The following BLM variants were observed in gnomAD, a reference collection of about 807,000 sequenced individuals.
BLM encodes BLM RecQ like helicase, also known as recQ-like DNA helicase BLM.
In BLM, 95 loss-of-function variants were observed where a neutral mutation model predicts 135.3. The ratio of observed to expected loss-of-function variants is 0.70; its 90% CI spans 0.59 to 0.83. The LOEUF (loss-of-function observed/expected upper bound fraction) is 0.83, where lower values mean the gene tolerates loss of function less well. Ranked by LOEUF, BLM falls within the 40% of genes least tolerant of loss-of-function variation. The pLI, the probability that BLM is intolerant of heterozygous loss-of-function variation, is 0.00. For synonymous variants in BLM, 520 were observed against 589.2 expected, an observed-to-expected ratio of 0.88 and a Z score of 1.70; for missense variants, 1,518 against 1,663.9, an observed-to-expected ratio of 0.91 and a Z score of 1.53.
At chr15:90,718,097 C>A (rs1330621488) in intron 1 of BLM, among the ~76,000 whole-genome samples, 1 of 152,100 alleles carries the variant, frequency 6.6e-6, no homozygotes, top group Non-Finnish European at 1.5e-5. Context: ...TACTTCCTGG[C>A]GTTTTTGTTA....
At position 90,780,119 on chromosome 15, in the gene BLM, T is replaced by C. The variant is rs1319525840; in HGVS notation, c.2556-2703T>C. 6.1e-5 allele frequency among the ~76,000 whole-genome samples: 9 copies of C among 147,880 alleles called. No individual in the cohort carries two copies. In the Admixed American group the frequency reaches 6.1e-4, roughly 10 times the overall value. ...TTTTTCTTTTTAGACAGAGTCTCACTCTTCGCCCAGGCTGGAGTGCAGTGG... is the reference window on the plus strand; with the variant it reads ...TTTTTCTTTTTAGACAGAGTCTCACCCTTCGCCCAGGCTGGAGTGCAGTGG... On this transcript the variant is annotated intron_variant, in intron 12 of 21. Coordinates refer to ENST00000355112, the MANE Select transcript of BLM (RefSeq NM_000057.4).
chr15:90,773,739 C>T (rs760756420), intron 12 of BLM, among the ~76,000 whole-genome samples: 4 of 152,086 alleles, frequency 2.6e-5, no homozygotes, highest in Non-Finnish European at 4.4e-5. Context: ...AACATGTGGC[C>T]TTTTGTGACT....
At chr15:90,794,118 C>G in intron 15 of BLM, 49 bp from the exon 16 acceptor site, 1 of 1,369,982 alleles carries the variant, frequency 7.3e-7, no homozygotes, top group Non-Finnish European at 1.0e-6. Flanking sequence ...ATGATATGCT[C>G]TATTTTTCCC....
intron 1 of BLM, among the ~76,000 whole-genome samples, chr15:90,731,783 A>G (rs1409355645): frequency 6.6e-6 from 1 of 151,822 alleles, no homozygotes; most frequent in Non-Finnish European, 1.5e-5. Context: ...TCTCTATTAT[A>G]TATCTATTAT....
intron 5 of BLM, chr15:90,759,913 TAAAAAAAAA>T: frequency 3.5e-6 from 1 of 285,000 alleles, no homozygotes; most frequent in South Asian, 2.9e-5. Flanking sequence ...AGCCCCACTT[TAAAAAAAAA>T]AAAAAAAAAG....
Position 90,796,540 on chromosome 15 carries a change from C to A in BLM, c.3211-1650C>A, listed in dbSNP as rs571340458. On this transcript the variant is annotated intron_variant, in intron 16 of 21. Coordinates refer to ENST00000355112, the MANE Select transcript of BLM (RefSeq NM_000057.4). ...TCTAGTCATCTTCCATGGCTGTGTT[C>A]CAATAAAACTTTATGCACAAAAACA... Among the ~76,000 whole-genome samples the A allele has an allele frequency of 2.0e-5, 3 of 152,258 alleles. No homozygotes were observed. The East Asian group carries it at 5.8e-4, about 29-fold the overall frequency.
intron 4 of BLM, among the ~76,000 whole-genome samples, chr15:90,753,768 C>T (rs1043380345): frequency 5.9e-5 from 9 of 152,130 alleles, no homozygotes; most frequent in African/African-American, 2.2e-4. Context: ...TTTCAAACTC[C>T]TCTTTTCCAA....
chr15:90,761,326 AC>A lies in BLM; in HGVS notation c.1882+73del. On this transcript the variant is annotated intron_variant, in intron 7 of 21. Coordinates refer to ENST00000355112, the MANE Select transcript of BLM (RefSeq NM_000057.4). ...CCAAAATAGGAATTATATAAGAAAA[AC>A]CATAGCAAATCATCATTGCCTGAAA... 4 of 1,154,574 alleles carry A rather than the reference AC, an allele frequency of 3.5e-6. No homozygotes were observed. In the South Asian group the frequency reaches 9.0e-5, roughly 26 times the overall value. 71.5% of individuals were successfully genotyped at this position (1,154,574 alleles called of 1,614,324 possible). A position where few individuals can be genotyped will look rare whatever the true frequency, so the allele number is the denominator to read the frequency against.
chr15:90,786,089 T>C (rs1446284329), intron 14 of BLM, among the ~76,000 whole-genome samples: 1 of 150,334 alleles, frequency 6.7e-6, no homozygotes, highest in Non-Finnish European at 1.5e-5. Context: ...CTGCAGACCG[T>C]ACCTCAAACA....
At chr15:90,805,652 G>A (rs1342439916) in intron 19 of BLM, among the ~76,000 whole-genome samples, 1 of 150,442 alleles carries the variant, frequency 6.6e-6, no homozygotes, top group African/African-American at 2.4e-5. Context: ...GCCAGGTGTG[G>A]TGGTGGGTGC....
At chr15:90,747,136 G>T (rs2238335) in intron 1 of BLM, among the ~76,000 whole-genome samples, 1 of 151,174 alleles carries the variant, frequency 6.6e-6, no homozygotes, top group Admixed American at 6.6e-5. Flanking sequence ...GAGGAAGAGA[G>T]GGGGAACCTG....
chr15:90,752,966 G>T (rs1895727556), intron 4 of BLM, among the ~76,000 whole-genome samples: 1 of 152,108 alleles, frequency 6.6e-6, no homozygotes, highest in Non-Finnish European at 1.5e-5. Context: ...TGCCTTCCCT[G>T]GTGTCATACT....
rs2151158878 is a variant in BLM, at chr15:90,761,110, T to G, written c.1737T>G (p.Ser579=). 2 of 1,544,186 alleles carry G rather than the reference T, an allele frequency of 1.3e-6. No homozygotes were observed. The highest frequency in any genetic ancestry group is 1.7e-6 in the Non-Finnish European group (2 of 1,150,594). The change falls in exon 7 of 22, where the codon TCT becomes TCG. Residue 579 remains serine (S), a synonymous_variant. Transcript: ENST00000355112. ...TGCATAATTTAGCAGCCAGCAAATC[T>G]TCCACAGCTGCCTATCAACCCATCA... is the stretch of plus-strand genomic sequence containing the variant. ...DIMHNLAASK[S]STAAYQPIKE...
intron 7 of BLM, among the ~76,000 whole-genome samples, chr15:90,762,610 A>G (rs1896017082): frequency 1.3e-5 from 2 of 152,134 alleles, no homozygotes; most frequent in South Asian, 4.1e-4. Context: ...AATATCTGAA[A>G]GACTCCCTCC....
At chr15:90,780,330 G>A (rs1325507998) in intron 12 of BLM, among the ~76,000 whole-genome samples, 2 of 152,222 alleles carry the variant, frequency 1.3e-5, no homozygotes, top group East Asian at 3.9e-4. Context: ...TGATCTGCCC[G>A]CCTTGGCCTC....
At chr15:90,734,392 A>G (rs1040195454) in intron 1 of BLM, among the ~76,000 whole-genome samples, 1 of 151,414 alleles carries the variant, frequency 6.6e-6, no homozygotes. Flanking sequence ...GGTTCAAGCC[A>G]TTCTCCTGCC....
Position 90,815,938 on chromosome 15 carries a change from C to G in BLM, c.*659C>G, listed in dbSNP as rs1002474977. The G allele has an allele frequency of 1.3e-5, 2 of 152,428 alleles. No individual in the cohort carries two copies. The highest frequency in any genetic ancestry group is 3.9e-4 in the East Asian group (2 of 5,190). 9.4% of individuals were successfully genotyped at this position (152,428 alleles called of 1,614,324 possible). A position where few individuals can be genotyped will look rare whatever the true frequency, so the allele number is the denominator to read the frequency against. ...ACTAAAAATACAAAAATTAGCCAGG[C>G]GTGGTGTACAGGCACGCCTGTAGTC... On this transcript the variant is annotated 3_prime_UTR_variant, in exon 22 of 22. Transcript: ENST00000355112. The surrounding 1 kb of genome is among the most constrained non-coding windows in gnomAD (Gnocchi z 4.6).
At chr15:90,778,383 C>T (rs1896532190) in intron 12 of BLM, among the ~76,000 whole-genome samples, 1 of 152,078 alleles carries the variant, frequency 6.6e-6, no homozygotes, top group Non-Finnish European at 1.5e-5. Flanking sequence ...CGGTATAATC[C>T]ACATACCATA....
At chr15:90,732,743 A>T (rs1259501685) in intron 1 of BLM, among the ~76,000 whole-genome samples, 1 of 152,164 alleles carries the variant, frequency 6.6e-6, no homozygotes, top group Non-Finnish European at 1.5e-5. Context: ...GAGAATAAAT[A>T]ATAAAGATAA....
Sources: gnomAD v4.1 joint callset for allele counts (sites outside exome capture counted in the v4.1 genomes callset) on GRCh38, gnomAD v4.1.1 for gene constraint, Gnocchi (gnomAD v3.1) non-coding constraint, MANE v1.5 for transcripts, NCBI Gene and HGNC (gene_info 2026-07-23, HGNC 2026-07-21) for gene names.